The following TMPRSS11E variants were observed in gnomAD, a reference collection of about 807,000 sequenced individuals.
TMPRSS11E encodes the protein transmembrane protease serine 11E.
Under a neutral mutation model 48.1 loss-of-function variants are expected in TMPRSS11E, and 38 were observed. The ratio of observed to expected loss-of-function variants is 0.79; its 90% confidence interval spans 0.61 to 1.04. The LOEUF is 1.04. Ranked by LOEUF, TMPRSS11E falls within the 50% of genes least tolerant of loss-of-function variation. The pLI, the probability that TMPRSS11E is intolerant of heterozygous loss-of-function variation, is 0.00. For synonymous variants in TMPRSS11E, 158 were observed against 171.9 expected, an observed-to-expected ratio of 0.92 and a Z score of 0.63; for missense variants, 530 against 510.8, an observed-to-expected ratio of 1.04 and a Z score of -0.36.
At chr4:68,478,701 A>T in intron 8 of TMPRSS11E, 148 bp from the exon 9 acceptor site, 1 of 778,268 alleles carries the variant, frequency 1.3e-6, no homozygotes, top group Non-Finnish European at 2.1e-6. Context: ...GCGATCCTCC[A>T]ATCTCGGCCT....
At chr4:68,494,636 G>A (rs1184015498) in intron 9 of TMPRSS11E, among the ~76,000 whole-genome samples, 1 of 132,846 alleles carries the variant, frequency 7.5e-6, no homozygotes, top group Non-Finnish European at 1.8e-5. Context: ...CAGGATTAAT[G>A]AGACAAATAG....
At chr4:68,461,365 T>C (rs1728785332) in intron 1 of TMPRSS11E, among the ~76,000 whole-genome samples, 1 of 152,164 alleles carries the variant, frequency 6.6e-6, no homozygotes, top group South Asian at 2.1e-4. Context: ...GTAACACACT[T>C]CAAAGGCTAT....
chr4:68,458,899 G>C (rs1393429640), intron 1 of TMPRSS11E, among the ~76,000 whole-genome samples: 2 of 151,880 alleles, frequency 1.3e-5, no homozygotes, highest in African/African-American at 2.4e-5. Context: ...CTCGTTATTT[G>C]TACAATGATT....
chr4:68,466,567 A>T lies in TMPRSS11E; in HGVS notation c.137-64A>T. The T allele has an allele frequency of 1.9e-6, 3 of 1,569,592 alleles. No homozygotes were observed. In the South Asian group the frequency reaches 3.5e-5, roughly 18 times the overall value. On this transcript the variant is annotated intron_variant, in intron 2 of 9. Transcript: ENST00000305363. ...GTCTTCCAGCAACCACCAAGCGGGG[A>T]TATAATGATGCTTTACACACATCTG...
chr4:68,478,108 A>G (rs1729282621), intron 8 of TMPRSS11E, among the ~76,000 whole-genome samples: 2 of 147,194 alleles, frequency 1.4e-5, no homozygotes, highest in Admixed American at 1.4e-4. Context: ...CCCAAATATT[A>G]TTGTTCTAAA....
At chr4:68,471,814 C>T (rs1460566896) in intron 5 of TMPRSS11E, among the ~76,000 whole-genome samples, 191 bp downstream of exon 5, 1 of 151,852 alleles carries the variant, frequency 6.6e-6, no homozygotes, top group Non-Finnish European at 1.5e-5. Context: ...TTAGGCCTCC[C>T]ATGCAAGCTT....
intron 9 of TMPRSS11E, among the ~76,000 whole-genome samples, chr4:68,489,453 C>G (rs2603157): frequency 0.94 from 142,291 of 152,174 alleles, 67,016 homozygotes; most frequent in Middle Eastern, 0.99. Context: ...ACGTGCTGGT[C>G]GTGGGGTAGT....
Position 68,470,590 on chromosome 4 carries a change from A to C in TMPRSS11E, c.327-870A>C, listed in dbSNP as rs147046684. 2.3e-3 allele frequency among the ~76,000 whole-genome samples: 351 copies of C among 152,010 alleles called. 1 individual carries two copies. The highest frequency in any genetic ancestry group is 8.3e-3 in the African/African-American group (343 of 41,556). On this transcript the variant is annotated intron_variant, in intron 4 of 9. Transcript: ENST00000305363. Reference sequence around the variant, plus strand: ...GGAAATGCTGTGCCAGAGAAGACAGATATTCAAACTTATAATAGATAACAC... The same window carrying C: ...GGAAATGCTGTGCCAGAGAAGACAGCTATTCAAACTTATAATAGATAACAC...
intron 8 of TMPRSS11E, among the ~76,000 whole-genome samples, chr4:68,478,183 T>G (rs1234764858): frequency 2.8e-5 from 4 of 143,448 alleles, no homozygotes; most frequent in Non-Finnish European, 6.1e-5. Context: ...AGTCTCCTTG[T>G]TGAGACAGAG....
chr4:68,468,578 C>T (rs932237593), intron 3 of TMPRSS11E, among the ~76,000 whole-genome samples: 6 of 152,064 alleles, frequency 3.9e-5, no homozygotes, highest in African/African-American at 1.4e-4. Flanking sequence ...AAATTTCTCA[C>T]TCTTAATTTT....
chr4:68,487,789 A>C (rs1729600488), intron 9 of TMPRSS11E, among the ~76,000 whole-genome samples: 3 of 151,852 alleles, frequency 2.0e-5, no homozygotes, highest in Admixed American at 2.0e-4. Flanking sequence ...AAAAATACAA[A>C]AATTAGCCAG....
At chr4:68,456,919 A>C (rs1358479220) in intron 1 of TMPRSS11E, among the ~76,000 whole-genome samples, 1 of 151,930 alleles carries the variant, frequency 6.6e-6, no homozygotes, top group Non-Finnish European at 1.5e-5. Flanking sequence ...AGATGGATTA[A>C]ACTTAAATGT....
chr4:68,478,706 C>T (rs987062422), intron 8 of TMPRSS11E, 143 bp from the exon 9 acceptor site: 40 of 809,818 alleles, frequency 4.9e-5, no homozygotes, highest in South Asian at 4.7e-4. Flanking sequence ...CCTCCAATCT[C>T]GGCCTCTCAA....
At chr4:68,493,200 T>C (rs1249043812) in intron 9 of TMPRSS11E, among the ~76,000 whole-genome samples, 1 of 152,010 alleles carries the variant, frequency 6.6e-6, no homozygotes, top group Non-Finnish European at 1.5e-5. Flanking sequence ...GTTCAAAAAT[T>C]TACAACTCAT....
rs150324808 is a variant in TMPRSS11E, at chr4:68,491,192, A to G, written c.1111-5451A>G. 3.4e-3 allele frequency among the ~76,000 whole-genome samples: 495 copies of G among 146,880 alleles called. 3 individuals are homozygous for G. Among genetic ancestry groups the G allele is most frequent in the African/African-American group, 0.011 (460 of 40,050 alleles). On this transcript the variant is annotated intron_variant, in intron 9 of 9. Coordinates refer to ENST00000305363, the MANE Select transcript of TMPRSS11E (RefSeq NM_014058.4). ...GTTTTCCCAAGTTGTCCTCTTATTGATTATTTTACTAGGGAGAGCAGGATT... is the reference window on the plus strand; with the variant it reads ...GTTTTCCCAAGTTGTCCTCTTATTGGTTATTTTACTAGGGAGAGCAGGATT...
chr4:68,467,716 C>A (rs1009572543), intron 3 of TMPRSS11E, among the ~76,000 whole-genome samples: 2 of 152,172 alleles, frequency 1.3e-5, no homozygotes, highest in South Asian at 2.1e-4. Context: ...GATTTGGCCA[C>A]CTTGCTGAGA....
Position 68,458,941 on chromosome 4 carries a change from C to T in TMPRSS11E, c.12-2880C>T, listed in dbSNP as rs1728712313. 2.0e-5 allele frequency among the ~76,000 whole-genome samples: 3 copies of T among 151,974 alleles called. No individual in the cohort carries two copies. In the South Asian group the frequency reaches 6.3e-4, roughly 32 times the overall value. On this transcript the variant is annotated intron_variant, in intron 1 of 9. Coordinates refer to ENST00000305363, the MANE Select transcript of TMPRSS11E (RefSeq NM_014058.4). Reference sequence around the variant, plus strand: ...CTTGGGAGCTCAAAGTACCAAACCGCCTTCTCATTTTTATCTCTACCTAGC... The same window carrying T: ...CTTGGGAGCTCAAAGTACCAAACCGTCTTCTCATTTTTATCTCTACCTAGC...
At chr4:68,454,354 G>A (rs1728571564) in intron 1 of TMPRSS11E, among the ~76,000 whole-genome samples, 1 of 151,644 alleles carries the variant, frequency 6.6e-6, no homozygotes, top group Admixed American at 6.6e-5. Context: ...TAATTTTTAT[G>A]GTATTAATTT....
intron 6 of TMPRSS11E, 35 bp downstream of exon 6, chr4:68,474,796 T>G: frequency 6.4e-7 from 1 of 1,562,680 alleles, no homozygotes; most frequent in South Asian, 1.2e-5. Flanking sequence ...TAGCATTACC[T>G]GAAGGTAAAA....
Sources: gnomAD v4.1 joint callset for allele counts (sites outside exome capture counted in the v4.1 genomes callset) on GRCh38, gnomAD v4.1.1 for gene constraint, MANE v1.5 for transcripts, NCBI Gene and HGNC (gene_info 2026-07-23, HGNC 2026-07-21) for gene names.